MAP3K3: variants seen among roughly 807,000 people sequenced by gnomAD.
MAP3K3 encodes the protein mitogen-activated protein kinase kinase kinase 3, also known as MAP/ERK kinase kinase 3.
A neutral mutation model predicts 80.9 loss-of-function variants in MAP3K3; 12 were observed. That is an observed-to-expected ratio of 0.15 (90% CI 0.10 to 0.24). MAP3K3 has a LOEUF of 0.24. Ranked by LOEUF, MAP3K3 falls within the 10% of genes least tolerant of loss-of-function variation. The pLI is 1.00. For missense variants in MAP3K3, 596 were observed against 834.7 expected (o/e 0.71, Z 3.52); for synonymous variants, 272 against 307.1 (o/e 0.89, Z 1.19).
At chr17:63,635,397 A>G (rs1903682853) in intron 2 of MAP3K3, among the ~76,000 whole-genome samples, 1 of 152,216 alleles carries the variant, frequency 6.6e-6, no homozygotes, top group Admixed American at 6.5e-5. Context: ...TGAAGCTCAA[A>G]GTTTTATGTT....
intron 2 of MAP3K3, among the ~76,000 whole-genome samples, chr17:63,637,831 TG>T (rs1173501386): frequency 6.6e-6 from 1 of 152,216 alleles, no homozygotes; most frequent in Non-Finnish European, 1.5e-5. Flanking sequence ...GGTAGATACT[TG>T]AACAGAGTCT....
chr17:63,628,990 A>T (rs997383569), intron 1 of MAP3K3, among the ~76,000 whole-genome samples: 2 of 152,170 alleles, frequency 1.3e-5, no homozygotes, highest in Non-Finnish European at 2.9e-5. Flanking sequence ...TTGTGAAATG[A>T]TGCTTTATCT....
At position 63,666,972 on chromosome 17, in the gene MAP3K3, A is replaced by G. The variant is rs772322521; in HGVS notation, c.414A>G (p.Arg138=). ...CCTCTCCCCACTCTGGGGTGTCCAG[A>G]CAGGTGCGGATCAAGGCTTCCCAGT... ...NSSSPHSGVS[R]QVRIKASQSA... is the part of the protein sequence containing the mutation. Residue 138 remains arginine, a synonymous_variant, in exon 6 of 16, where the codon AGA becomes AGG. Transcript: ENST00000361733. 6.2e-7 allele frequency: 1 copy of G among 1,613,448 alleles called. No homozygotes were observed. Among genetic ancestry groups the G allele is most frequent in the Non-Finnish European group, 8.5e-7 (1 of 1,179,864 alleles).
At chr17:63,658,506 G>A (rs768143769) in intron 5 of MAP3K3, among the ~76,000 whole-genome samples, 12 of 152,120 alleles carry the variant, frequency 7.9e-5, no homozygotes, top group South Asian at 2.1e-4. Context: ...CTGGAGGCCC[G>A]CATTTCACAA....
intron 1 of MAP3K3, 29 bp from the exon 2 acceptor site, chr17:63,632,652 C>G: frequency 6.2e-7 from 1 of 1,612,850 alleles, no homozygotes; most frequent in Non-Finnish European, 8.5e-7. Context: ...ATTTAAGTGT[C>G]TTAGTCCATG....
chr17:63,645,589 T>C (rs1480778926), intron 2 of MAP3K3, among the ~76,000 whole-genome samples: 3 of 152,208 alleles, frequency 2.0e-5, no homozygotes, highest in African/African-American at 7.2e-5. Flanking sequence ...ATGGAAAAAC[T>C]AAGACTCACA....
Position 63,638,951 on chromosome 17 carries a change from G to A in MAP3K3, c.126+6149G>A, listed in dbSNP as rs538184024. Among the ~76,000 whole-genome samples the A allele has an allele frequency of 2.3e-3, 355 of 152,206 alleles. 2 individuals carry two copies. The highest frequency in any genetic ancestry group is 3.5e-3 in the Non-Finnish European group (239 of 68,030). ...TGAGGTGGGAGAATCGCTTGTACTT[G>A]GGAGGCGGAGGTTGTAGTGAGCCGA... On this transcript the variant is annotated intron_variant, in intron 2 of 15. Transcript: ENST00000361733.
At chr17:63,690,676 G>A in intron 12 of MAP3K3, 1 of 479,050 alleles carries the variant, frequency 2.1e-6, no homozygotes, top group South Asian at 2.6e-5. Context: ...GTGATGACCT[G>A]TGACACAGAG....
intron 5 of MAP3K3, among the ~76,000 whole-genome samples, chr17:63,664,164 G>A (rs1024631758): frequency 6.7e-6 from 1 of 149,632 alleles, no homozygotes. Context: ...GGAGAATGGC[G>A]TGAACCCGGG....
chr17:63,666,820 A>C (rs1417202844), intron 5 of MAP3K3, 120 bp from the exon 6 acceptor site: 1 of 1,047,136 alleles, frequency 9.5e-7, no homozygotes, highest in African/African-American at 1.6e-5. Flanking sequence ...TGGGTAGCTC[A>C]TGTATTAAAA....
chr17:63,630,783 T>A (rs967449715), intron 1 of MAP3K3, among the ~76,000 whole-genome samples: 1 of 152,366 alleles, frequency 6.6e-6, no homozygotes, highest in African/African-American at 2.4e-5. Context: ...ATTACAGCTA[T>A]GTCACTCTCA....
chr17:63,634,198 G>A (rs1234460558), intron 2 of MAP3K3, among the ~76,000 whole-genome samples: 3 of 152,086 alleles, frequency 2.0e-5, no homozygotes, highest in East Asian at 3.9e-4. Flanking sequence ...GCCACTTTTC[G>A]AAGGAGCATT....
intron 1 of MAP3K3, among the ~76,000 whole-genome samples, chr17:63,628,534 A>G (rs530900199): frequency 2.0e-4 from 30 of 151,876 alleles, no homozygotes; most frequent in African/African-American, 6.8e-4. Context: ...CTAATTTTGT[A>G]GTTTTAGTAG....
chr17:63,687,142 G>T (rs1374730280), intron 8 of MAP3K3, among the ~76,000 whole-genome samples: 1 of 151,234 alleles, frequency 6.6e-6, no homozygotes, highest in African/African-American at 2.4e-5. Flanking sequence ...GAGGCACGCG[G>T]ATCACCTGAG....
chr17:63,688,199 C>T (rs1224916301), intron 8 of MAP3K3: 2 of 380,452 alleles, frequency 5.3e-6, no homozygotes, highest in Non-Finnish European at 9.7e-6. Flanking sequence ...GTTTTTATTA[C>T]TGCCCTGGGC....
In MAP3K3 at chr17:63,683,253, C is replaced by T. The variant is rs562286093; in HGVS notation, c.636+1354C>T. 3.9e-5 allele frequency among the ~76,000 whole-genome samples: 6 copies of T among 152,246 alleles called. No individual in the cohort carries two copies. In the East Asian group the frequency reaches 1.2e-3, roughly 29 times the overall value. ...TGAGAAGCCCTTTGTACTCTTCTTC[C>T]TTCTATACTCCTGCCTTCCAGATAA... On this transcript the variant is annotated intron_variant, in intron 7 of 15. Coordinates refer to ENST00000361733, the MANE Select transcript of MAP3K3 (RefSeq NM_002401.5).
At chr17:63,623,269 G>A (rs2034031427) in intron 1 of MAP3K3, among the ~76,000 whole-genome samples, 1 of 152,174 alleles carries the variant, frequency 6.6e-6, no homozygotes, top group Non-Finnish European at 1.5e-5. Context: ...CCAGCCCTGT[G>A]CGCGCCCCAG....
chr17:63,638,395 G>A lies in MAP3K3; in HGVS notation c.126+5593G>A, dbSNP rs117351812. ...GTAACTGAGGCCTTTTTCAGGTCAA[G>A]TTAGTTCATAAACCTTTGGTTAATA... On this transcript the variant is annotated intron_variant, in intron 2 of 15. Transcript: ENST00000361733. Among the ~76,000 whole-genome samples, 1,319 of 152,266 alleles carry A rather than the reference G, an allele frequency of 8.7e-3. 8 individuals are homozygous for A. The highest frequency in any genetic ancestry group is 0.021 in the Admixed American group (319 of 15,290).
intron 2 of MAP3K3, chr17:63,634,881 C>A: frequency 8.0e-7 from 1 of 1,244,376 alleles, no homozygotes; most frequent in Non-Finnish European, 1.2e-6. Flanking sequence ...AATTCACTTC[C>A]CAGACAAGTT....
Sources: gnomAD v4.1 joint callset for allele counts (sites outside exome capture counted in the v4.1 genomes callset) on GRCh38, gnomAD v4.1.1 for gene constraint, MANE v1.5 for transcripts, NCBI Gene and HGNC (gene_info 2026-07-23, HGNC 2026-07-21) for gene names.